ELF2: variants seen among roughly 807,000 people sequenced by gnomAD.
ELF2 encodes the protein E74 like ETS transcription factor 2.
In ELF2, 11 loss-of-function variants were observed where a neutral mutation model predicts 54.8. That is an observed-to-expected ratio of 0.20 (90% confidence interval 0.13 to 0.33). The LOEUF (loss-of-function observed/expected upper bound fraction) is 0.33, where lower values mean the gene tolerates loss of function less well. ELF2 is among the 10% of genes least tolerant of loss of function. The pLI is 1.00. For missense variants in ELF2, 513 were observed against 703.0 expected (o/e 0.73, Z 3.06); for synonymous variants, 203 against 245.1 (o/e 0.83, Z 1.61).
rs1182024324 is a variant in ELF2, at chr4:139,065,034, A to G, written c.613+2650T>C. Among the ~76,000 whole-genome samples the G allele has an allele frequency of 2.0e-5, 3 of 152,084 alleles. No individual in the cohort carries two copies. The East Asian group carries it at 5.8e-4, about 29-fold the overall frequency. Reference sequence around the variant, plus strand: ...TCTTCAGTTATTTTCTTTTTTTTGCATTTTTATTTTGTTCACATAGTAGTA... The same window carrying G: ...TCTTCAGTTATTTTCTTTTTTTTGCGTTTTTATTTTGTTCACATAGTAGTA... On this transcript the variant is annotated intron_variant, in intron 7 of 9. Transcript: ENST00000686138.
At chr4:139,176,652 C>A (rs1024646656) in intron 1 of ELF2, among the ~76,000 whole-genome samples, 6 of 152,160 alleles carry the variant, frequency 3.9e-5, no homozygotes, top group African/African-American at 9.6e-5. Flanking sequence ...CCCATCCCCC[C>A]CGCCGGGGTC....
chr4:139,079,130 A>C (rs1423227931), intron 4 of ELF2, among the ~76,000 whole-genome samples: 2 of 151,818 alleles, frequency 1.3e-5, no homozygotes, highest in Non-Finnish European at 2.9e-5. Flanking sequence ...GGGTCTCACT[A>C]TGTTGTCCAG....
chr4:139,132,509 C>T (rs1737599120), intron 3 of ELF2, among the ~76,000 whole-genome samples: 1 of 152,104 alleles, frequency 6.6e-6, no homozygotes, highest in Non-Finnish European at 1.5e-5. Context: ...AGATTTCTAT[C>T]CCTATAGATC....
chr4:139,158,700 G>A (rs1740794451), intron 1 of ELF2, among the ~76,000 whole-genome samples: 1 of 152,092 alleles, frequency 6.6e-6, no homozygotes, highest in Non-Finnish European at 1.5e-5. Context: ...AACGGAATAA[G>A]AGAAGGAAAA....
chr4:139,134,554 T>A (rs868575565), intron 3 of ELF2, among the ~76,000 whole-genome samples: 8 of 146,546 alleles, frequency 5.5e-5, no homozygotes, highest in African/African-American at 1.9e-4. Flanking sequence ...ATTGTATTGT[T>A]TTATTTTATG....
In ELF2 at chr4:139,111,703, A is replaced by G. The variant is rs1030490307; in HGVS notation, c.238+13461T>C. 7.2e-5 allele frequency among the ~76,000 whole-genome samples: 11 copies of G among 152,300 alleles called. No individual in the cohort carries two copies. In the East Asian group the frequency reaches 1.7e-3, roughly 24 times the overall value. ...TGGGCATGGACAATGGATAAGAGAC[A>G]ATGATTCCTCCTCCTGAAACAACAC... On this transcript the variant is annotated intron_variant, in intron 4 of 9. Coordinates refer to ENST00000686138, the MANE Select transcript of ELF2 (RefSeq NM_001331036.3).
chr4:139,119,661 T>G (rs1736113833), intron 4 of ELF2, among the ~76,000 whole-genome samples: 1 of 152,190 alleles, frequency 6.6e-6, no homozygotes, highest in Admixed American at 6.5e-5. Context: ...TACCTTATAT[T>G]TGCCTACATG....
rs1239857310 is a variant in ELF2 at position 139,176,967 on chromosome 4, CT to C, written c.-253del. ...CAGCCTCGGCTGCCCGCGCTCTTACCTGCTCTCCGCGACGCCTGGGAAGACC... is the reference window on the plus strand; with the variant it reads ...CAGCCTCGGCTGCCCGCGCTCTTACCGCTCTCCGCGACGCCTGGGAAGACC... On this transcript the variant is annotated splice_region_variant and 5_prime_UTR_variant, in exon 1 of 10. Transcript: ENST00000686138. 6.6e-6 allele frequency: 1 copy of C among 152,174 alleles called. No individual in the cohort carries two copies. Among genetic ancestry groups the C allele is most frequent in the African/African-American group, 2.4e-5 (1 of 41,438 alleles). The allele number at this position is 152,174 out of a possible 1,614,324, so 9.4% of individuals were successfully genotyped here. A position where few individuals can be genotyped will look rare whatever the true frequency, so the allele number is the denominator to read the frequency against.
At chr4:139,070,297 G>GTT (rs964317787) in intron 6 of ELF2, among the ~76,000 whole-genome samples, 1 of 144,628 alleles carries the variant, frequency 6.9e-6, no homozygotes. Flanking sequence ...TAAATGTGGT[G>GTT]TTTTTTTTTT....
At chr4:139,110,496 A>G (rs1179832773) in intron 4 of ELF2, among the ~76,000 whole-genome samples, 1 of 152,246 alleles carries the variant, frequency 6.6e-6, no homozygotes, top group Admixed American at 6.5e-5. Flanking sequence ...TATCATAGAC[A>G]ATCATATTTT....
intron 4 of ELF2, among the ~76,000 whole-genome samples, chr4:139,099,474 C>T (rs554413769): frequency 2.0e-5 from 3 of 152,192 alleles, no homozygotes; most frequent in Non-Finnish European, 4.4e-5. Context: ...TCAAGTAAAA[C>T]TTCCTAAATA....
chr4:139,082,537 T>C (rs894072097), intron 4 of ELF2, among the ~76,000 whole-genome samples: 1 of 152,234 alleles, frequency 6.6e-6, no homozygotes, highest in African/African-American at 2.4e-5. Context: ...TGGTCACCAC[T>C]GTGTTGTACT....
intron 1 of ELF2, among the ~76,000 whole-genome samples, chr4:139,172,308 T>C (rs940333827): frequency 1.3e-5 from 2 of 152,260 alleles, no homozygotes; most frequent in African/African-American, 4.8e-5. Flanking sequence ...CAGTCAAACA[T>C]GGTCTGAAAA....
chr4:139,080,352 A>G (rs1730930492), intron 4 of ELF2, among the ~76,000 whole-genome samples: 1 of 152,198 alleles, frequency 6.6e-6, no homozygotes, highest in Non-Finnish European at 1.5e-5. Flanking sequence ...ATCTATTCAC[A>G]TACTGCTTTT....
intron 4 of ELF2, among the ~76,000 whole-genome samples, chr4:139,081,223 G>A (rs951781928): frequency 6.6e-6 from 1 of 152,134 alleles, no homozygotes; most frequent in African/African-American, 2.4e-5. Flanking sequence ...TAAAATGACA[G>A]TGAGTTTTAA....
chr4:139,144,236 C>T (rs571871097), intron 1 of ELF2, among the ~76,000 whole-genome samples: 2 of 152,154 alleles, frequency 1.3e-5, no homozygotes, highest in African/African-American at 4.8e-5. Flanking sequence ...ACTAGAAATC[C>T]GGCCCACAGA....
chr4:139,074,148 A>C (rs1463341810), intron 4 of ELF2, among the ~76,000 whole-genome samples: 3 of 152,010 alleles, frequency 2.0e-5, no homozygotes, highest in Non-Finnish European at 4.4e-5. Context: ...CAACAAAAGA[A>C]ATTACTGAGA....
At chr4:139,075,386 C>A (rs1345731723) in intron 4 of ELF2, among the ~76,000 whole-genome samples, 1 of 152,126 alleles carries the variant, frequency 6.6e-6, no homozygotes, top group Non-Finnish European at 1.5e-5. Context: ...TTTACATATG[C>A]CATGGTTCCC....
chr4:139,060,468 C>T lies in ELF2; in HGVS notation c.1013G>A (p.Arg338His), dbSNP rs147539143. 1.3e-3 allele frequency: 2,108 copies of T among 1,614,106 alleles called. 5 individuals carry two copies. The highest frequency in any genetic ancestry group is 1.7e-3 in the Non-Finnish European group (1,950 of 1,180,026). ...ESLLKAASSV[R>H]SGKNSSPINC... ...TATAGGGGATGAATTTTTTCCACTG[C>T]GAACAGAGGATGCTGCTTTCAGGAG... Residue 338 changes from arginine to histidine, a missense_variant, in exon 9 of 10, where the codon CGC becomes CAC. Physicochemically the swap from Arg to His is conservative, Grantham distance 29. This residue lies in a region of ELF2 where 291 missense variants were observed against 366.1 expected (regional missense o/e 0.79). Transcript: ENST00000686138.
Sources: allele counts gnomAD v4.1 joint callset (sites outside exome capture counted in the v4.1 genomes callset), GRCh38; gene constraint gnomAD v4.1.1; regional missense constraint gnomAD v4.1.1; transcripts MANE v1.5; gene names NCBI Gene and HGNC (gene_info 2026-07-23, HGNC 2026-07-21).